KAT8: variants seen among roughly 807,000 people sequenced by gnomAD.
The protein encoded by KAT8 is lysine acetyltransferase 8.
Under a neutral mutation model 62.9 loss-of-function variants are expected in KAT8, and 40 were observed. The ratio of observed to expected loss-of-function variants is 0.64; its 90% CI spans 0.49 to 0.83. KAT8 has a LOEUF of 0.83. Ranked by LOEUF, KAT8 falls within the 40% of genes least tolerant of loss-of-function variation. The pLI, the probability that KAT8 is intolerant of heterozygous loss-of-function variation, is 0.00. For missense variants in KAT8, 387 were observed against 614.8 expected (o/e 0.63, Z 3.92); for synonymous variants, 278 against 254.5 (o/e 1.09, Z -0.88).
At chr16:31,118,041 T>C (rs531620773) in intron 1 of KAT8, 149 bp downstream of exon 1, 190 of 612,686 alleles carry the variant, frequency 3.1e-4, no homozygotes, top group Admixed American at 2.3e-3. Flanking sequence ...AACGCCGCGT[T>C]CCGGGCGCTG....
intron 3 of KAT8, among the ~76,000 whole-genome samples, chr16:31,123,415 C>T (rs901543677): frequency 6.6e-6 from 1 of 151,724 alleles, no homozygotes; most frequent in Non-Finnish European, 1.5e-5. Flanking sequence ...TAGGGTTTCA[C>T]TATGTTTGGC....
chr16:31,121,959 C>T (rs2143970699), intron 3 of KAT8, among the ~76,000 whole-genome samples: 1 of 152,148 alleles, frequency 6.6e-6, no homozygotes, highest in Middle Eastern at 3.4e-3. Context: ...CTATGTTGCC[C>T]ACACTAGTCT....
At chr16:31,128,303 T>C (rs957880297) in intron 6 of KAT8, among the ~76,000 whole-genome samples, 164 bp downstream of exon 6, 5 of 152,030 alleles carry the variant, frequency 3.3e-5, no homozygotes, top group Non-Finnish European at 7.4e-5. Context: ...ATCCTAGCAC[T>C]TTTGGAGGCT....
rs570499689 is a variant in KAT8 at position 31,123,574 on chromosome 16, T to G, written c.462+3060T>G. 4.0e-4 allele frequency: 61 copies of G among 152,330 alleles called. 1 individual carries two copies. Among genetic ancestry groups the G allele is most frequent in the African/African-American group, 1.4e-3 (60 of 41,556 alleles). 9.4% of individuals were successfully genotyped at this position (152,330 alleles called of 1,614,324 possible). ...TAGGCGGGAGTACAGTGGCGAGCTCTTGGGTTACTGCAACCTCCGCCTTCC... is the reference window on the plus strand; with the variant it reads ...TAGGCGGGAGTACAGTGGCGAGCTCGTGGGTTACTGCAACCTCCGCCTTCC... On this transcript the variant is annotated intron_variant, in intron 3 of 10. Coordinates refer to ENST00000219797, the MANE Select transcript of KAT8 (RefSeq NM_032188.3).
chr16:31,130,418 C>T (rs1178972644), intron 8 of KAT8, 38 bp from the exon 9 acceptor site: 1 of 1,614,082 alleles, frequency 6.2e-7, no homozygotes, highest in East Asian at 2.2e-5. Flanking sequence ...GGTGCCAGGG[C>T]AGGCTGGATC....
At chr16:31,124,767 C>T (rs1412705313) in intron 3 of KAT8, among the ~76,000 whole-genome samples, 5 of 147,958 alleles carry the variant, frequency 3.4e-5, no homozygotes, top group Admixed American at 6.8e-5. Context: ...TGGCTCATGC[C>T]TGTAATCCCA....
chr16:31,129,584 C>T (rs548192880), intron 6 of KAT8, among the ~76,000 whole-genome samples: 1 of 152,318 alleles, frequency 6.6e-6, no homozygotes, highest in East Asian at 1.9e-4. Flanking sequence ...ACAGACAGGG[C>T]TCGAGGTTCC....
At position 31,117,699 on chromosome 16, in the gene KAT8, T is replaced by TGCTGCGGCGGTGCC; in HGVS notation, c.29_30insGCCGCTGCGGCGGT (p.Ala11ProfsTer70). The TGCTGCGGCGGTGCC allele has an allele frequency of 7.1e-7, 1 of 1,402,736 alleles. No homozygotes were observed. 86.9% of individuals were successfully genotyped at this position (1,402,736 alleles called of 1,614,324 possible). ...TTCCCGCGATGGCGGCACAGGGAGC[T>TGCTGCGGCGGTGCC]GCTGCGGCGGTTGCGGCGGGGACTT... On this transcript the variant is annotated frameshift_variant, in exon 1 of 11. Transcript: ENST00000219797. LOFTEE classifies it high-confidence loss of function.
At chr16:31,130,220 A>G (rs753485108) in intron 7 of KAT8, 47 bp from the exon 8 acceptor site, 2 of 1,612,870 alleles carry the variant, frequency 1.2e-6, no homozygotes, top group Non-Finnish European at 1.7e-6. Context: ...ATGAACAGAG[A>G]GTGGGGCAGA....
chr16:31,121,361 T>C (rs2057492079), intron 3 of KAT8, among the ~76,000 whole-genome samples: 1 of 152,078 alleles, frequency 6.6e-6, no homozygotes, highest in Non-Finnish European at 1.5e-5. Flanking sequence ...CCTCAGGTGA[T>C]CTGCCCACCT....
At chr16:31,124,697 A>G (rs2057520633) in intron 3 of KAT8, among the ~76,000 whole-genome samples, 1 of 137,468 alleles carries the variant, frequency 7.3e-6, no homozygotes, top group Admixed American at 8.4e-5. Context: ...TTGCCATTGC[A>G]CTCCAGCCTG....
At position 31,130,502 on chromosome 16, in the gene KAT8, G is replaced by A. The variant is rs912994219; in HGVS notation, c.1053G>A (p.Lys351=). 1 of 1,614,158 alleles carries A rather than the reference G, an allele frequency of 6.2e-7. No homozygotes were observed. The highest frequency in any genetic ancestry group is 8.5e-7 in the Non-Finnish European group (1 of 1,179,980). The part of the protein sequence containing the change: ...KLESTVGSPE[K]PLSDLGKLSY... ...AGAGCACAGTCGGCTCCCCGGAGAA[G>A]CCACTGTCTGACCTGGGCAAGCTCA... Residue 351 remains lysine (K), a synonymous_variant, in exon 9 of 11, where the codon AAG becomes AAA. Transcript: ENST00000219797.
At chr16:31,127,781 A>G (rs2057543923) in intron 5 of KAT8, among the ~76,000 whole-genome samples, 1 of 152,190 alleles carries the variant, frequency 6.6e-6, no homozygotes, top group African/African-American at 2.4e-5. Flanking sequence ...TAGGGAAGCC[A>G]TTGTCATGGA....
intron 3 of KAT8, among the ~76,000 whole-genome samples, chr16:31,124,886 G>A (rs1335771160): frequency 1.3e-5 from 2 of 152,002 alleles, no homozygotes; most frequent in Non-Finnish European, 2.9e-5. Flanking sequence ...AAAATTAGCC[G>A]GGCTTGCTGG....
chr16:31,121,635 C>T (rs1028996780), intron 3 of KAT8, among the ~76,000 whole-genome samples: 1 of 152,158 alleles, frequency 6.6e-6, no homozygotes, highest in African/African-American at 2.4e-5. Context: ...TGGACTTGAA[C>T]TCCTGGGCTC....
At position 31,117,738 on chromosome 16, in the gene KAT8, G is replaced by C. The variant is rs1053052164; in HGVS notation, c.57G>C (p.Gly19=). 8 of 1,379,182 alleles carry C rather than the reference G, an allele frequency of 5.8e-6. No homozygotes were observed. Among genetic ancestry groups the C allele is most frequent in the Non-Finnish European group, 7.5e-6 (8 of 1,059,748 alleles). The allele number at this position is 1,379,182 out of a possible 1,614,324, so 85.4% of individuals were successfully genotyped here. ...CGGCGGGGACTTCAGGGGTCGCGGG[G>C]GAGGGCGAGCCCGGGCCCGGGGAGA... ...AVAAGTSGVA[G]EGEPGPGENA... Residue 19 remains glycine (G), a synonymous_variant, in exon 1 of 11, where the codon GGG becomes GGC. Coordinates refer to ENST00000219797, the MANE Select transcript of KAT8 (RefSeq NM_032188.3).
At chr16:31,117,971 A>G (rs911215839) in intron 1 of KAT8, 79 bp downstream of exon 1, 18 of 1,039,592 alleles carry the variant, frequency 1.7e-5, no homozygotes, top group Non-Finnish European at 2.1e-5. Flanking sequence ...ACAGGCTGTC[A>G]GTGAGGCCAA....
intron 3 of KAT8, among the ~76,000 whole-genome samples, chr16:31,122,947 G>A (rs951653777): frequency 1.3e-5 from 2 of 151,914 alleles, no homozygotes; most frequent in Admixed American, 1.3e-4. Flanking sequence ...TTTGGGAGGC[G>A]GAGGTGGGTG....
At chr16:31,126,088 G>A (rs1052829478) in intron 3 of KAT8, 1 of 152,220 alleles carries the variant, frequency 6.6e-6, no homozygotes, top group African/African-American at 2.4e-5. Context: ...CAGTGACAAA[G>A]GATAGATCAC....
Sources: allele counts gnomAD v4.1 joint callset (sites outside exome capture counted in the v4.1 genomes callset), GRCh38; gene constraint gnomAD v4.1.1; transcripts MANE v1.5; gene names NCBI Gene and HGNC (gene_info 2026-07-23, HGNC 2026-07-21).